The following SDK1 variants were observed in gnomAD, a reference collection of about 807,000 sequenced individuals.
SDK1 encodes the protein protein sidekick-1.
In SDK1, 157 loss-of-function variants were observed where a neutral mutation model predicts 245.5. The observed-to-expected ratio is 0.64, with a 90% confidence interval of 0.56 to 0.73. SDK1 has a LOEUF of 0.73. Ranked by LOEUF, SDK1 falls within the 30% of genes least tolerant of loss-of-function variation. SDK1 has a pLI of 0.00. For missense variants in SDK1, 3,583 were observed against 3,002.3 expected, an observed-to-expected ratio of 1.19 and a Z score of -4.52; for synonymous variants, 1,647 against 1,278.5, an observed-to-expected ratio of 1.29 and a Z score of -6.15.
chr7:3,376,731 T>C (rs534345354), intron 1 of SDK1, among the ~76,000 whole-genome samples: 2 of 152,300 alleles, frequency 1.3e-5, no homozygotes, highest in Non-Finnish European at 2.9e-5. Flanking sequence ...TGAGTGCACA[T>C]TGATTCAGCT....
At chr7:3,565,016 T>C (rs1442712883) in intron 1 of SDK1, among the ~76,000 whole-genome samples, 1 of 151,894 alleles carries the variant, frequency 6.6e-6, no homozygotes, top group Admixed American at 6.5e-5. Flanking sequence ...GTTGTAAGCG[T>C]TGGAGAAGCA....
intron 1 of SDK1, among the ~76,000 whole-genome samples, chr7:3,358,334 T>C (rs933802073): frequency 3.3e-5 from 5 of 152,196 alleles, no homozygotes; most frequent in Non-Finnish European, 7.3e-5. Flanking sequence ...CATTCATTTC[T>C]TGTACTAGAA....
intron 1 of SDK1, among the ~76,000 whole-genome samples, chr7:3,404,360 A>T (rs1462680566): frequency 1.3e-5 from 2 of 152,154 alleles, no homozygotes; most frequent in Non-Finnish European, 2.9e-5. Context: ...TGGCTTTGTC[A>T]TTGTTATCAC....
intron 31 of SDK1, among the ~76,000 whole-genome samples, chr7:4,159,345 C>T (rs1458895164): frequency 6.6e-6 from 1 of 152,212 alleles, no homozygotes; most frequent in Non-Finnish European, 1.5e-5. Context: ...CTCCCTTGGC[C>T]TCAGGGACCA....
At chr7:3,862,972 G>T (rs376530364) in intron 5 of SDK1, among the ~76,000 whole-genome samples, 7 of 152,154 alleles carry the variant, frequency 4.6e-5, no homozygotes, top group Non-Finnish European at 1.0e-4. Context: ...TCTGACAGGA[G>T]GGGGAGCTCA....
chr7:4,125,635 G>A (rs1333016583), intron 25 of SDK1, among the ~76,000 whole-genome samples: 1 of 152,170 alleles, frequency 6.6e-6, no homozygotes, highest in African/African-American at 2.4e-5. Context: ...AGCCCTAGTA[G>A]GGCTTGTGAA....
chr7:4,132,335 A>G lies in SDK1; in HGVS notation c.4140A>G (p.Pro1380=), dbSNP rs559217131. The G allele has an allele frequency of 1.4e-5, 23 of 1,611,512 alleles. No homozygotes were observed. In the African/African-American group the frequency reaches 2.7e-4, roughly 19 times the overall value. ...GGTTTTTCCCTTCAGCCCCAGGCCCACCAGTGAGGCTCGTGTTCCCCGAAG... is the reference window on the plus strand; with the variant it reads ...GGTTTTTCCCTTCAGCCCCAGGCCCGCCAGTGAGGCTCGTGTTCCCCGAAG... ...LERTKDDAPG[P]PVRLVFPEVR... Residue 1380 remains proline, a synonymous_variant, in exon 28 of 45, where the codon CCA becomes CCG. Transcript: ENST00000404826.
chr7:4,209,949 A>G, intron 37 of SDK1, 76 bp from the exon 38 acceptor site: 1 of 1,234,014 alleles, frequency 8.1e-7, no homozygotes, highest in Non-Finnish European at 1.1e-6. Flanking sequence ...TTTATTCTAT[A>G]CGGAGGCACA....
intron 15 of SDK1, among the ~76,000 whole-genome samples, chr7:4,011,543 G>A (rs1316642478): frequency 6.6e-6 from 1 of 152,186 alleles, no homozygotes; most frequent in African/African-American, 2.4e-5. Flanking sequence ...TTCCTGAGCG[G>A]TCTTCACGCT....
chr7:3,926,823 A>G (rs1779788383), intron 5 of SDK1, among the ~76,000 whole-genome samples: 1 of 152,236 alleles, frequency 6.6e-6, no homozygotes, highest in African/African-American at 2.4e-5. Context: ...CCACTTAGCA[A>G]CTGTGTGACC....
chr7:4,162,220 T>G (rs2128212770), intron 32 of SDK1, among the ~76,000 whole-genome samples: 1 of 152,160 alleles, frequency 6.6e-6, no homozygotes, highest in Admixed American at 6.5e-5. Flanking sequence ...CACAAATTGG[T>G]TATCGCCCTA....
At chr7:3,807,653 C>T (rs376668633) in intron 4 of SDK1, among the ~76,000 whole-genome samples, 35 of 152,186 alleles carry the variant, frequency 2.3e-4, no homozygotes, top group African/African-American at 7.9e-4. Context: ...AAGGTTTGCA[C>T]AGATTCCTCT....
chr7:3,344,037 CT>C (rs1408370394), intron 1 of SDK1, among the ~76,000 whole-genome samples: 11 of 125,416 alleles, frequency 8.8e-5, no homozygotes, highest in Admixed American at 8.3e-4. Flanking sequence ...AAAAAAAAAA[CT>C]AGAAATGCAT....
intron 35 of SDK1, 76 bp from the exon 36 acceptor site, chr7:4,205,803 C>T: frequency 1.7e-6 from 2 of 1,170,634 alleles, no homozygotes; most frequent in South Asian, 2.6e-5. Context: ...GCTCGAGCCC[C>T]ATGGGCATGT....
At chr7:3,558,510 CT>C (rs1779656558) in intron 1 of SDK1, among the ~76,000 whole-genome samples, 1 of 152,206 alleles carries the variant, frequency 6.6e-6, no homozygotes, top group African/African-American at 2.4e-5. Context: ...CAGCCCTACA[CT>C]TTTCCAGTCA....
At chr7:4,005,982 C>T (rs532457915) in intron 14 of SDK1, among the ~76,000 whole-genome samples, 26 of 152,210 alleles carry the variant, frequency 1.7e-4, no homozygotes, top group African/African-American at 5.8e-4. Flanking sequence ...GCAGGAGGAT[C>T]GCTTGAACCC....
At chr7:3,437,835 G>A (rs908509259) in intron 1 of SDK1, among the ~76,000 whole-genome samples, 18 of 152,184 alleles carry the variant, frequency 1.2e-4, no homozygotes, top group Middle Eastern at 3.2e-3. Context: ...AGCTTTGGCT[G>A]AATAGAAGTT....
intron 40 of SDK1, among the ~76,000 whole-genome samples, chr7:4,228,862 C>T (rs114425711): frequency 6.6e-6 from 1 of 152,158 alleles, no homozygotes; most frequent in Non-Finnish European, 1.5e-5. Flanking sequence ...AACGGCAACA[C>T]AGCTCGTTCA....
intron 44 of SDK1, among the ~76,000 whole-genome samples, chr7:4,254,685 CAG>C (rs1787523416): frequency 6.8e-6 from 1 of 147,178 alleles, no homozygotes; most frequent in Non-Finnish European, 1.5e-5. Context: ...TTTTTGAAAA[CAG>C]ATCATTTTTG....
Sources: gnomAD v4.1 joint callset for allele counts (sites outside exome capture counted in the v4.1 genomes callset) on GRCh38, gnomAD v4.1.1 for gene constraint, MANE v1.5 for transcripts, NCBI Gene and HGNC (gene_info 2026-07-23, HGNC 2026-07-21) for gene names.